DGKB: variants seen among roughly 807,000 people sequenced by gnomAD.
The protein encoded by DGKB is 90 kDa diacylglycerol kinase.
In DGKB, 67 loss-of-function variants were observed where a neutral mutation model predicts 114.3. The ratio of observed to expected loss-of-function variants is 0.59; its 90% CI spans 0.48 to 0.72. The LOEUF is 0.72. Ranked by LOEUF, DGKB falls within the 30% of genes least tolerant of loss-of-function variation. DGKB has a pLI of 0.00. For missense variants in DGKB, 907 were observed against 975.2 expected, an observed-to-expected ratio of 0.93 and a Z score of 0.93; for synonymous variants, 398 against 323.1, an observed-to-expected ratio of 1.23 and a Z score of -2.49.
chr7:14,672,030 A>G (rs1819047353), intron 13 of DGKB, among the ~76,000 whole-genome samples: 1 of 152,022 alleles, frequency 6.6e-6, no homozygotes, highest in Non-Finnish European at 1.5e-5. Context: ...AAAATGAAGC[A>G]TTTTTAATAA....
chr7:14,279,301 G>T (rs1014350984), intron 23 of DGKB, among the ~76,000 whole-genome samples: 2 of 152,176 alleles, frequency 1.3e-5, no homozygotes, highest in Admixed American at 1.3e-4. Flanking sequence ...AGCCAGGCGG[G>T]GGGAGGGGCG....
At chr7:14,666,257 A>G (rs1818001542) in intron 13 of DGKB, among the ~76,000 whole-genome samples, 1 of 152,006 alleles carries the variant, frequency 6.6e-6, no homozygotes, top group African/African-American at 2.4e-5. Context: ...GGAGTTTTAT[A>G]TGATTAATTT....
intron 20 of DGKB, among the ~76,000 whole-genome samples, chr7:14,538,686 T>C (rs913460739): frequency 6.6e-6 from 1 of 152,192 alleles, no homozygotes; most frequent in African/African-American, 2.4e-5. Flanking sequence ...TAACACCATG[T>C]TTATTGCAGC....
intron 21 of DGKB, among the ~76,000 whole-genome samples, chr7:14,383,313 A>G (rs1230990042): frequency 1.3e-5 from 2 of 152,202 alleles, no homozygotes; most frequent in African/African-American, 2.4e-5. Context: ...AAGAAAGTCA[A>G]TGTTTCCTAG....
intron 25 of DGKB, among the ~76,000 whole-genome samples, chr7:14,152,251 C>A (rs577377664): frequency 6.6e-6 from 1 of 152,046 alleles, no homozygotes; most frequent in African/African-American, 2.4e-5. Flanking sequence ...TTCTATTAAG[C>A]GTCAGGTAAT....
At chr7:14,844,771 C>A (rs532795486) in intron 1 of DGKB, among the ~76,000 whole-genome samples, 13 of 152,166 alleles carry the variant, frequency 8.5e-5, no homozygotes, top group Non-Finnish European at 1.8e-4. Context: ...TAATAATTAT[C>A]TTAATTATAT....
chr7:14,552,872 T>C (rs1390624800), intron 20 of DGKB, among the ~76,000 whole-genome samples: 1 of 152,202 alleles, frequency 6.6e-6, no homozygotes, highest in African/African-American at 2.4e-5. Flanking sequence ...GACAAGAACA[T>C]GATAAGGCAG....
At chr7:14,942,385 A>T (rs1341695010) in intron 1 of DGKB, among the ~76,000 whole-genome samples, 2 of 152,004 alleles carry the variant, frequency 1.3e-5, no homozygotes, top group Non-Finnish European at 2.9e-5. Flanking sequence ...TAGTAAGAAC[A>T]TTATTTCCAT....
At chr7:14,745,020 C>A (rs1327912452) in intron 4 of DGKB, among the ~76,000 whole-genome samples, 6 of 152,056 alleles carry the variant, frequency 3.9e-5, no homozygotes, top group Non-Finnish European at 8.8e-5. Context: ...TGCCCATAAC[C>A]CAGAGGTTCC....
At chr7:14,170,421 T>G (rs1780823375) in intron 25 of DGKB, among the ~76,000 whole-genome samples, 1 of 152,142 alleles carries the variant, frequency 6.6e-6, no homozygotes, top group Non-Finnish European at 1.5e-5. Context: ...GTAATAAACA[T>G]GTACACATAC....
intron 21 of DGKB, among the ~76,000 whole-genome samples, chr7:14,404,258 A>G (rs1823588806): frequency 6.6e-6 from 1 of 151,520 alleles, no homozygotes; most frequent in Admixed American, 6.6e-5. Context: ...GGATATCCCC[A>G]TTTAACCTCC....
intron 1 of DGKB, among the ~76,000 whole-genome samples, chr7:14,889,628 C>T (rs1439146243): frequency 1.3e-5 from 2 of 151,186 alleles, no homozygotes; most frequent in Non-Finnish European, 3.0e-5. Flanking sequence ...TAACAGACCA[C>T]CAAAGTTTTT....
chr7:14,781,307 T>C (rs1372817150), intron 2 of DGKB, among the ~76,000 whole-genome samples: 1 of 152,232 alleles, frequency 6.6e-6, no homozygotes, highest in African/African-American at 2.4e-5. Context: ...AATTCAGTAT[T>C]CACATTCTGG....
chr7:14,490,299 A>C (rs1267929381), intron 20 of DGKB, among the ~76,000 whole-genome samples: 1 of 152,192 alleles, frequency 6.6e-6, no homozygotes, highest in Non-Finnish European at 1.5e-5. Flanking sequence ...AAGAGAATCA[A>C]GCTTTATTAT....
At chr7:14,507,475 T>C (rs1369552575) in intron 20 of DGKB, among the ~76,000 whole-genome samples, 1 of 152,180 alleles carries the variant, frequency 6.6e-6, no homozygotes, top group Non-Finnish European at 1.5e-5. Flanking sequence ...ATACACATAC[T>C]AGTTAATAAT....
At chr7:14,888,529 CTT>C (rs1378591062) in intron 1 of DGKB, among the ~76,000 whole-genome samples, 1 of 151,662 alleles carries the variant, frequency 6.6e-6, no homozygotes, top group Non-Finnish European at 1.5e-5. Flanking sequence ...GCATTTCAGA[CTT>C]TACAGCGAAA....
chr7:14,636,648 G>A (rs1019014314), intron 13 of DGKB, among the ~76,000 whole-genome samples: 1 of 151,748 alleles, frequency 6.6e-6, no homozygotes, highest in African/African-American at 2.4e-5. Flanking sequence ...GAATCTAAGA[G>A]CCCCATTATT....
At chr7:14,795,365 A>C (rs1841261197) in intron 2 of DGKB, among the ~76,000 whole-genome samples, 1 of 152,190 alleles carries the variant, frequency 6.6e-6, no homozygotes, top group Non-Finnish European at 1.5e-5. Context: ...CGGCATGAGA[A>C]AGTTGAAAAT....
intron 25 of DGKB, among the ~76,000 whole-genome samples, chr7:14,156,241 T>C (rs562661185): frequency 9.9e-4 from 151 of 152,308 alleles, no homozygotes; most frequent in African/African-American, 3.6e-3. Context: ...ATGTCCGTGA[T>C]ATAAACTGTT....
Sources: allele counts gnomAD v4.1 joint callset (sites outside exome capture counted in the v4.1 genomes callset), GRCh38; gene constraint gnomAD v4.1.1; transcripts MANE v1.5; gene names NCBI Gene and HGNC (gene_info 2026-07-23, HGNC 2026-07-21).